The following AGBL3 variants were observed in gnomAD, a reference collection of about 807,000 sequenced individuals.
The protein encoded by AGBL3 is AGBL carboxypeptidase 3.
In AGBL3, 68 loss-of-function variants were observed where a neutral mutation model predicts 94.5. That is an observed-to-expected ratio of 0.72 (90% CI 0.59 to 0.88). The LOEUF (loss-of-function observed/expected upper bound fraction) is 0.88. Ranked by LOEUF, AGBL3 falls within the 40% of genes least tolerant of loss-of-function variation. The probability of loss-of-function intolerance (pLI) is 0.00; values close to 1 mark genes in which losing one functional copy is unlikely to be tolerated. For synonymous variants in AGBL3, 354 were observed against 370.7 expected (o/e 0.95, Z 0.52); for missense variants, 934 against 1,103.8 (o/e 0.85, Z 2.18).
intron 5 of AGBL3, among the ~76,000 whole-genome samples, chr7:135,029,924 T>TG (rs1219707879): frequency 6.6e-6 from 1 of 151,876 alleles, no homozygotes; most frequent in African/African-American, 2.4e-5. Flanking sequence ...TGGGTGGTGG[T>TG]GGAATAGTCA....
chr7:135,067,870 C>T (rs190947554), intron 12 of AGBL3, among the ~76,000 whole-genome samples: 4 of 152,112 alleles, frequency 2.6e-5, no homozygotes, highest in Middle Eastern at 3.4e-3. Context: ...TCACCAGCAA[C>T]GGAACAAAGC....
At chr7:135,012,841 C>T (rs1284827710) in intron 4 of AGBL3, among the ~76,000 whole-genome samples, 1 of 152,014 alleles carries the variant, frequency 6.6e-6, no homozygotes, top group Non-Finnish European at 1.5e-5. Context: ...CATTATAAAG[C>T]TCATAGAAGA....
chr7:135,034,392 G>A lies in AGBL3; in HGVS notation c.801G>A (p.Arg267=). ...QRIGDQIKYY[R]NNPGQDGRHY... ...TAGGAGACCAAATCAAGTATTATAG[G>A]AACAACCCAGGCCAAGATGGGCGCC... Residue 267 remains arginine (R), a synonymous_variant, in exon 7 of 17, where the codon AGG becomes AGA. Coordinates refer to ENST00000436302, the MANE Select transcript of AGBL3 (RefSeq NM_178563.4). 1 of 1,551,624 alleles carries A rather than the reference G, an allele frequency of 6.4e-7. No individual in the cohort carries two copies. The highest frequency in any genetic ancestry group is 1.2e-5 in the South Asian group (1 of 84,054).
intron 4 of AGBL3, among the ~76,000 whole-genome samples, chr7:135,001,255 A>AT (rs1460611749): frequency 6.6e-6 from 1 of 152,142 alleles, no homozygotes; most frequent in African/African-American, 2.4e-5. Flanking sequence ...TCACCAACAG[A>AT]TTTTGGAACC....
In AGBL3 at chr7:135,034,680, C is replaced by A; in HGVS notation, c.1089C>A (p.Val363=). 1 of 1,551,450 alleles carries A rather than the reference C, an allele frequency of 6.4e-7. No individual in the cohort carries two copies. Among genetic ancestry groups the A allele is most frequent in the Non-Finnish European group, 8.7e-7 (1 of 1,146,874 alleles). Residue 363 remains valine (V), a synonymous_variant, in exon 7 of 17, where the codon GTC becomes GTA. Transcript: ENST00000436302. ...AGGCTGTGATTCTGACTGCAAGGGT[C>A]CATCCAGGGGAAACCAACAGCTCTT... ...KRKAVILTAR[V]HPGETNSSWI... is the part of the protein sequence containing the mutation.
intron 16 of AGBL3, among the ~76,000 whole-genome samples, chr7:135,128,291 CAAAAAAAAAAAAAAAA>C (rs61217008): frequency 5.2e-5 from 3 of 58,074 alleles, no homozygotes; most frequent in Admixed American, 3.2e-4. Flanking sequence ...GACTCCATCT[CAAAAAAAAAAAAAAAA>C]AAAAAAAAAA....
intron 14 of AGBL3, among the ~76,000 whole-genome samples, chr7:135,081,277 G>T (rs1305036939): frequency 6.6e-6 from 1 of 152,054 alleles, no homozygotes; most frequent in African/African-American, 2.4e-5. Context: ...CCATGTTAAT[G>T]AATCACATAA....
At position 135,052,218 on chromosome 7, in the gene AGBL3, C is replaced by T. The variant is rs77964710; in HGVS notation, c.1841+6307C>T. Among the ~76,000 whole-genome samples the T allele has an allele frequency of 7.8e-3, 1,193 of 152,112 alleles. 10 individuals are homozygous for T. The highest frequency in any genetic ancestry group is 0.013 in the Non-Finnish European group (851 of 67,998). The stretch of plus-strand genomic sequence containing the variant: ...AACTACATATTTTCATGTCCCTGTA[C>T]CTTATACGAAAGGTAGCATACCATC... On this transcript the variant is annotated intron_variant, in intron 11 of 16. Coordinates refer to ENST00000436302, the MANE Select transcript of AGBL3 (RefSeq NM_178563.4).
intron 15 of AGBL3, chr7:135,101,077 C>T (rs969123196): frequency 5.0e-6 from 2 of 397,292 alleles, no homozygotes; most frequent in African/African-American, 4.2e-5. Flanking sequence ...CAATTTTTTT[C>T]ATCTCCCAAA....
At chr7:134,988,760 G>A (rs1318532566) in intron 2 of AGBL3, among the ~76,000 whole-genome samples, 3 of 151,938 alleles carry the variant, frequency 2.0e-5, no homozygotes, top group Middle Eastern at 3.4e-3. Flanking sequence ...TCAGCCACCC[G>A]AGTAGCTGGG....
chr7:135,135,169 A>T lies in AGBL3; in HGVS notation c.2671A>T (p.Thr891Ser), dbSNP rs779785507. The T allele has an allele frequency of 5.0e-5, 77 of 1,550,850 alleles. No homozygotes were observed. Among genetic ancestry groups the T allele is most frequent in the Non-Finnish European group, 6.4e-5 (73 of 1,146,620 alleles). ...EETNQQSSKHTALHLTKNKDE... is the reference protein window; with the variant it reads ...EETNQQSSKHSALHLTKNKDE... ...AACTAACCAGCAAAGCTCTAAGCAT[A>T]CAGCCCTCCATCTAACTAAAAATAA... The change falls in exon 17 of 17, where the codon ACA (threonine) becomes TCA (serine). Residue 891 changes from threonine to serine, a missense_variant. Physicochemically the swap from Thr to Ser is moderately conservative, Grantham distance 58. Coordinates refer to ENST00000436302, the MANE Select transcript of AGBL3 (RefSeq NM_178563.4).
At chr7:135,129,430 TG>T in intron 16 of AGBL3, 1 of 785,874 alleles carries the variant, frequency 1.3e-6, no homozygotes, top group South Asian at 1.3e-5. Flanking sequence ...CAGAAGGCAC[TG>T]GAAGAGATGG....
In AGBL3 at chr7:135,112,053, T is replaced by C. The variant is rs570437517; in HGVS notation, c.2111-3327T>C. On this transcript the variant is annotated intron_variant, in intron 15 of 16. Coordinates refer to ENST00000436302, the MANE Select transcript of AGBL3 (RefSeq NM_178563.4). The stretch of plus-strand genomic sequence containing the variant: ...ATCTAAGTAATAAACCCAAGACTTA[T>C]CCTAATGTTGTACACTTCTGTTTTT... Among the ~76,000 whole-genome samples, 40 of 152,342 alleles carry C rather than the reference T, an allele frequency of 2.6e-4. 1 individual carries two copies. The highest frequency in any genetic ancestry group is 6.8e-3 in the Middle Eastern group (2 of 294).
At chr7:135,077,618 G>A (rs902761493) in intron 13 of AGBL3, among the ~76,000 whole-genome samples, 4 of 152,024 alleles carry the variant, frequency 2.6e-5, no homozygotes, top group African/African-American at 9.7e-5. Context: ...ATATATTACT[G>A]GTGGAAGTTA....
chr7:135,094,409 G>T (rs555899546), intron 15 of AGBL3: 1 of 456,618 alleles, frequency 2.2e-6, no homozygotes, highest in East Asian at 6.9e-5. Flanking sequence ...ATCATAAACT[G>T]GTAGGAACAC....
At chr7:135,011,504 TA>T (rs1418653050) in intron 4 of AGBL3, 5 of 140,606 alleles carry the variant, frequency 3.6e-5, no homozygotes, top group Non-Finnish European at 8.0e-5. Flanking sequence ...ATATTTGCAA[TA>T]CATAACTGAC....
intron 13 of AGBL3, among the ~76,000 whole-genome samples, chr7:135,077,766 A>C (rs1346363986): frequency 6.6e-6 from 1 of 152,146 alleles, no homozygotes; most frequent in African/African-American, 2.4e-5. Flanking sequence ...ATACCAGTTA[A>C]ACTCGGCCAT....
At position 134,999,096 on chromosome 7, in the gene AGBL3, A is replaced by G. The variant is rs555574987; in HGVS notation, c.310+5418A>G. ...AACCACTAGTCCATTTTGATGTGAT[A>G]TCTTTTTGCCCATCATTAGACACTA... On this transcript the variant is annotated intron_variant, in intron 4 of 16. Transcript: ENST00000436302. Among the ~76,000 whole-genome samples the G allele has an allele frequency of 2.0e-5, 3 of 152,344 alleles. No homozygotes were observed. The East Asian group carries it at 5.8e-4, about 29-fold the overall frequency.
At chr7:134,994,995 T>C (rs1236609240) in intron 4 of AGBL3, among the ~76,000 whole-genome samples, 2 of 152,072 alleles carry the variant, frequency 1.3e-5, no homozygotes, top group Admixed American at 6.6e-5. Context: ...TCCAACCTCA[T>C]TTTTCCTACA....
Sources: gnomAD v4.1 joint callset for allele counts (sites outside exome capture counted in the v4.1 genomes callset) on GRCh38, gnomAD v4.1.1 for gene constraint, MANE v1.5 for transcripts, NCBI Gene and HGNC (gene_info 2026-07-23, HGNC 2026-07-21) for gene names.